The following UBR3 variants were observed in gnomAD, a reference collection of about 807,000 sequenced individuals.
UBR3 encodes E3 ubiquitin-protein ligase UBR3.
Under a neutral mutation model 243.2 loss-of-function variants are expected in UBR3, and 85 were observed. The observed-to-expected ratio is 0.35, with a 90% confidence interval of 0.29 to 0.42. The LOEUF (loss-of-function observed/expected upper bound fraction) is 0.42. UBR3 is among the 10% of genes least tolerant of loss of function. UBR3 has a pLI of 1.00. For synonymous variants in UBR3, 748 were observed against 799.8 expected, an observed-to-expected ratio of 0.94 and a Z score of 1.09; for missense variants, 1,686 against 2,300.8, an observed-to-expected ratio of 0.73 and a Z score of 5.47.
chr2:169,925,451 T>C (rs768767272), intron 13 of UBR3, among the ~76,000 whole-genome samples, 168 bp from the exon 14 acceptor site: 1 of 152,162 alleles, frequency 6.6e-6, no homozygotes, highest in Non-Finnish European at 1.5e-5. Flanking sequence ...ATAATTATTG[T>C]TAAAAAAAAT....
At chr2:169,895,458 T>C in intron 7 of UBR3, 147 bp downstream of exon 7, 1 of 910,082 alleles carries the variant, frequency 1.1e-6, no homozygotes. Flanking sequence ...ACACAAGTTC[T>C]TCACAAAAGG....
intron 30 of UBR3, among the ~76,000 whole-genome samples, chr2:170,024,550 G>A (rs1010571840): frequency 1.3e-5 from 2 of 151,982 alleles, no homozygotes; most frequent in African/African-American, 4.8e-5. Context: ...ATGTGTGTGT[G>A]TGTGGTATTC....
intron 24 of UBR3, among the ~76,000 whole-genome samples, chr2:169,967,856 T>C (rs1184045010): frequency 6.6e-6 from 1 of 151,804 alleles, no homozygotes; most frequent in Non-Finnish European, 1.5e-5. Flanking sequence ...GCTGGAGATA[T>C]GAATATATCT....
At chr2:169,921,781 C>T (rs1165790361) in intron 11 of UBR3, among the ~76,000 whole-genome samples, 2 of 152,080 alleles carry the variant, frequency 1.3e-5, no homozygotes, top group Non-Finnish European at 1.5e-5. Context: ...CACTTGAGGT[C>T]AGGTGTTTGA....
chr2:169,937,642 TC>T (rs1376591374), intron 19 of UBR3, among the ~76,000 whole-genome samples: 3 of 152,212 alleles, frequency 2.0e-5, no homozygotes, highest in African/African-American at 7.2e-5. Context: ...TGGTTTTAGG[TC>T]TGACATTTAA....
At chr2:169,926,551 C>T (rs2085916802) in intron 14 of UBR3, 141 bp from the exon 15 acceptor site, 2 of 824,582 alleles carry the variant, frequency 2.4e-6, no homozygotes, top group African/African-American at 1.7e-5. Context: ...GCTGAGGTTG[C>T]ACCAGCTTGG....
chr2:169,882,328 ATGT>A lies in UBR3; in HGVS notation c.1038+3755_1038+3757del, dbSNP rs1559054731. 4.3e-5 allele frequency among the ~76,000 whole-genome samples: 6 copies of A among 140,172 alleles called. No individual in the cohort carries two copies. In the East Asian group the frequency reaches 1.2e-3, roughly 28 times the overall value. The allele number at this position is 140,172 out of a possible 152,430, so 92.0% of individuals were successfully genotyped here. The stretch of plus-strand genomic sequence containing the variant: ...TATATTATATATTTATATATTATAT[ATGT>A]ATTATATAATATATATGTAAATATA... On this transcript the variant is annotated intron_variant, in intron 5 of 38. Transcript: ENST00000272793.
intron 36 of UBR3, among the ~76,000 whole-genome samples, chr2:170,076,698 G>A (rs936159428): frequency 6.6e-6 from 1 of 152,182 alleles, no homozygotes; most frequent in Admixed American, 6.5e-5. Context: ...TTTACCATCC[G>A]TGATCCAGCA....
intron 24 of UBR3, chr2:169,964,891 C>G (rs1384671644): frequency 2.2e-6 from 1 of 456,902 alleles, no homozygotes. Context: ...CAAACAGAGG[C>G]AGTTCACAGA....
At chr2:169,846,303 G>A (rs974517075) in intron 1 of UBR3, among the ~76,000 whole-genome samples, 3 of 152,126 alleles carry the variant, frequency 2.0e-5, no homozygotes, top group African/African-American at 7.2e-5. Flanking sequence ...ATTATATAAT[G>A]TCCTTTTTAT....
At chr2:169,845,528 GTCGTC>G (rs2082444518) in intron 1 of UBR3, among the ~76,000 whole-genome samples, 1 of 107,902 alleles carries the variant, frequency 9.3e-6, no homozygotes, top group African/African-American at 3.3e-5. Context: ...CGTCGTCGTC[GTCGTC>G]TTCTTCTTCT....
chr2:169,880,769 C>T (rs1310514550), intron 5 of UBR3, among the ~76,000 whole-genome samples: 1 of 152,140 alleles, frequency 6.6e-6, no homozygotes, highest in African/African-American at 2.4e-5. Context: ...TTCCCGCCTC[C>T]ATCCTCAAGT....
At chr2:170,045,459 C>G (rs957811101) in intron 32 of UBR3, among the ~76,000 whole-genome samples, 1 of 152,096 alleles carries the variant, frequency 6.6e-6, no homozygotes, top group Non-Finnish European at 1.5e-5. Flanking sequence ...CAAATCTGTT[C>G]TTAACCATGC....
intron 30 of UBR3, among the ~76,000 whole-genome samples, chr2:170,017,267 C>T (rs1042249967): frequency 6.6e-6 from 1 of 151,114 alleles, no homozygotes; most frequent in Non-Finnish European, 1.5e-5. Context: ...TTCCTTTTCC[C>T]ATTGATTGCT....
chr2:169,828,800 A>C (rs1157138719), intron 1 of UBR3, among the ~76,000 whole-genome samples: 2 of 152,202 alleles, frequency 1.3e-5, no homozygotes, highest in African/African-American at 4.8e-5. Flanking sequence ...TCTCCAGTTA[A>C]GGGCACTTTG....
At chr2:170,071,585 G>A (rs914819228) in intron 35 of UBR3, among the ~76,000 whole-genome samples, 8 of 152,084 alleles carry the variant, frequency 5.3e-5, no homozygotes, top group African/African-American at 1.9e-4. Context: ...ACATAAAATG[G>A]TTGAATGTTA....
chr2:169,993,136 T>C (rs2089345831), intron 25 of UBR3, among the ~76,000 whole-genome samples: 1 of 152,198 alleles, frequency 6.6e-6, no homozygotes, highest in African/African-American at 2.4e-5. Flanking sequence ...TCAAATACTG[T>C]TTATATTCAG....
chr2:170,015,213 C>T, intron 29 of UBR3, 68 bp from the exon 30 acceptor site: 2 of 1,328,412 alleles, frequency 1.5e-6, no homozygotes, highest in Non-Finnish European at 2.1e-6. Context: ...TTGATTCAGA[C>T]ATGTCAATAA....
chr2:170,046,779 C>G (rs1445500491), intron 32 of UBR3, among the ~76,000 whole-genome samples: 1 of 151,834 alleles, frequency 6.6e-6, no homozygotes, highest in African/African-American at 2.4e-5. Flanking sequence ...AGGTTAAATG[C>G]TTGATTTTGT....
Sources: allele counts gnomAD v4.1 joint callset (sites outside exome capture counted in the v4.1 genomes callset), GRCh38; gene constraint gnomAD v4.1.1; transcripts MANE v1.5; gene names NCBI Gene and HGNC (gene_info 2026-07-23, HGNC 2026-07-21).